The following BABAM2 variants were observed in gnomAD, a reference collection of about 807,000 sequenced individuals.
The protein encoded by BABAM2 is BRISC and BRCA1 A complex member 2.
A neutral mutation model predicts 54.7 loss-of-function variants in BABAM2; 31 were observed. The observed-to-expected ratio is 0.57, with a 90% CI of 0.43 to 0.77. The LOEUF (loss-of-function observed/expected upper bound fraction) is 0.77, where lower values mean the gene tolerates loss of function less well. Ranked by LOEUF, BABAM2 falls within the 30% of genes least tolerant of loss-of-function variation. BABAM2 has a pLI of 0.00. For synonymous variants in BABAM2, 167 were observed against 162.9 expected (o/e 1.03, Z -0.19); for missense variants, 364 against 455.8 (o/e 0.80, Z 1.83).
chr2:28,016,552 C>T (rs532107567), intron 4 of BABAM2: 9 of 624,138 alleles, frequency 1.4e-5, no homozygotes, highest in Non-Finnish European at 2.6e-5. Flanking sequence ...AGCGGGCCCG[C>T]CGCAGGTGCA....
At chr2:28,243,936 A>G (rs571364435) in intron 9 of BABAM2, among the ~76,000 whole-genome samples, 2 of 152,240 alleles carry the variant, frequency 1.3e-5, no homozygotes, top group East Asian at 1.9e-4. Context: ...AGGACATCAG[A>G]GTCCTCCTTG....
intron 6 of BABAM2, among the ~76,000 whole-genome samples, chr2:28,105,533 T>C (rs1489153312): frequency 6.6e-6 from 1 of 152,242 alleles, no homozygotes; most frequent in Non-Finnish European, 1.5e-5. Flanking sequence ...TCTAGTGCTC[T>C]GTTTACTAGA....
Position 28,338,641 on chromosome 2 carries a change from C to A in BABAM2, c.*128C>A. 8.7e-7 allele frequency: 1 copy of A among 1,143,946 alleles called. No homozygotes were observed. The allele number at this position is 1,143,946 out of a possible 1,614,324, so 70.9% of individuals were successfully genotyped here. On this transcript the variant is annotated 3_prime_UTR_variant, in exon 12 of 12. Coordinates refer to ENST00000379624, the MANE Select transcript of BABAM2 (RefSeq NM_199191.3). ...CGTTTTGCTCACACAGCAGCTTTTG[C>A]ACGCCCCAGGCAGCCCCGACTGCTG...
chr2:28,043,922 C>T (rs1010807597), intron 5 of BABAM2, among the ~76,000 whole-genome samples: 7 of 152,186 alleles, frequency 4.6e-5, no homozygotes, highest in African/African-American at 1.7e-4. Flanking sequence ...CAGCTCTGAG[C>T]ATCCATCCTT....
chr2:27,912,233 G>A (rs773672783), intron 2 of BABAM2, among the ~76,000 whole-genome samples: 2 of 151,798 alleles, frequency 1.3e-5, no homozygotes, highest in East Asian at 1.9e-4. Flanking sequence ...ACCTACATTC[G>A]CAGACTCCTT....
At chr2:28,188,320 A>G (rs1676541187) in intron 7 of BABAM2, among the ~76,000 whole-genome samples, 1 of 152,208 alleles carries the variant, frequency 6.6e-6, no homozygotes, top group Non-Finnish European at 1.5e-5. Flanking sequence ...TCTTTGTGAT[A>G]AATACATTTG....
At chr2:28,244,728 T>G in intron 9 of BABAM2, 52 bp from the exon 10 acceptor site, 1 of 1,526,086 alleles carries the variant, frequency 6.6e-7, no homozygotes, top group Non-Finnish European at 9.0e-7. Flanking sequence ...CTTTTATACC[T>G]TAATTTTATG....
At chr2:28,211,173 G>T (rs1398836518) in intron 7 of BABAM2, among the ~76,000 whole-genome samples, 2 of 152,278 alleles carry the variant, frequency 1.3e-5, no homozygotes, top group East Asian at 3.9e-4. Flanking sequence ...CCAAAAAAGA[G>T]AGCTGTCAGT....
At chr2:28,012,448 T>C (rs1282013703) in intron 4 of BABAM2, among the ~76,000 whole-genome samples, 1 of 152,230 alleles carries the variant, frequency 6.6e-6, no homozygotes, top group Non-Finnish European at 1.5e-5. Context: ...TTAGCCTACA[T>C]TGACATTTTG....
At chr2:28,018,345 C>T (rs552825495) in intron 4 of BABAM2, among the ~76,000 whole-genome samples, 1 of 152,268 alleles carries the variant, frequency 6.6e-6, no homozygotes, top group South Asian at 2.1e-4. Flanking sequence ...TATTTCATTA[C>T]TTTTTATGGC....
chr2:27,917,170 A>G (rs1209238181), intron 2 of BABAM2, among the ~76,000 whole-genome samples: 1 of 151,912 alleles, frequency 6.6e-6, no homozygotes, highest in Non-Finnish European at 1.5e-5. Context: ...GGCACGTGCC[A>G]CCACGCGCAG....
intron 4 of BABAM2, among the ~76,000 whole-genome samples, chr2:28,001,954 A>G (rs1212463774): frequency 1.3e-5 from 2 of 152,106 alleles, no homozygotes; most frequent in Admixed American, 6.6e-5. Context: ...AGGTAATAAC[A>G]GAGTTCAAAT....
chr2:28,031,736 G>A (rs1676306305), intron 5 of BABAM2, among the ~76,000 whole-genome samples: 1 of 152,164 alleles, frequency 6.6e-6, no homozygotes. Flanking sequence ...CACTGAGGAA[G>A]GGAGTAACCA....
chr2:28,068,520 T>C (rs2148654309), intron 6 of BABAM2, among the ~76,000 whole-genome samples: 1 of 152,314 alleles, frequency 6.6e-6, no homozygotes, highest in Admixed American at 6.5e-5. Context: ...ATTAGTTTAA[T>C]TGTGAAGATG....
intron 4 of BABAM2, among the ~76,000 whole-genome samples, chr2:27,994,697 C>T (rs1349806311): frequency 6.6e-6 from 1 of 152,194 alleles, no homozygotes; most frequent in East Asian, 1.9e-4. Context: ...ATCCATTCTA[C>T]TATTGATTGA....
chr2:28,305,364 A>C (rs2148261705), intron 11 of BABAM2, among the ~76,000 whole-genome samples: 1 of 152,166 alleles, frequency 6.6e-6, no homozygotes, highest in Non-Finnish European at 1.5e-5. Flanking sequence ...TGCATGTTGA[A>C]CCAACCTTGC....
chr2:28,269,005 T>C (rs1685208478), intron 10 of BABAM2, among the ~76,000 whole-genome samples: 1 of 152,220 alleles, frequency 6.6e-6, no homozygotes, highest in African/African-American at 2.4e-5. Context: ...TACAAAGATA[T>C]AACCAAATCT....
intron 5 of BABAM2, among the ~76,000 whole-genome samples, chr2:28,029,060 C>G (rs1676107985): frequency 6.6e-6 from 1 of 152,196 alleles, no homozygotes; most frequent in South Asian, 2.1e-4. Context: ...AGCCACCATG[C>G]CTGGCCTCTT....
In BABAM2 at chr2:28,077,865, G is replaced by A. The variant is rs188561733; in HGVS notation, c.570+32066G>A. ...TTCATAAAATTCATGATTATATCAAGAAAATTAAATACCAACAGAGAGAAA... is the reference window on the plus strand; with the variant it reads ...TTCATAAAATTCATGATTATATCAAAAAAATTAAATACCAACAGAGAGAAA... On this transcript the variant is annotated intron_variant, in intron 6 of 11. Transcript: ENST00000379624. Among the ~76,000 whole-genome samples, 71 of 152,220 alleles carry A rather than the reference G, an allele frequency of 4.7e-4. No individual in the cohort carries two copies. The East Asian group carries it at 7.3e-3, about 16-fold the overall frequency.
Sources: gnomAD v4.1 joint callset for allele counts (sites outside exome capture counted in the v4.1 genomes callset) on GRCh38, gnomAD v4.1.1 for gene constraint, MANE v1.5 for transcripts, NCBI Gene and HGNC (gene_info 2026-07-23, HGNC 2026-07-21) for gene names.